Variants in NCKAP5 observed in about 807,000 individuals in gnomAD.
NCKAP5 encodes the protein nck-associated protein 5.
NCKAP5 carries 92 observed loss-of-function variants against 167.0 expected under a neutral mutation model. The ratio of observed to expected loss-of-function variants is 0.55; its 90% CI spans 0.47 to 0.66. The LOEUF (loss-of-function observed/expected upper bound fraction) is 0.66. Ranked by LOEUF, NCKAP5 falls within the 30% of genes least tolerant of loss-of-function variation. The pLI is 0.00. For synonymous variants in NCKAP5, 891 were observed against 877.4 expected (o/e 1.02, Z -0.27); for missense variants, 2,378 against 2,315.0 (o/e 1.03, Z -0.56).
intron 4 of NCKAP5, among the ~76,000 whole-genome samples, chr2:133,238,135 G>T (rs151073846): frequency 1.6e-3 from 237 of 152,204 alleles, no homozygotes; most frequent in African/African-American, 4.8e-3. Context: ...CCTCACTTTA[G>T]TTTTTCTCAA....
At chr2:133,229,335 ATC>A in intron 4 of NCKAP5, among the ~76,000 whole-genome samples, 1 of 152,200 alleles carries the variant, frequency 6.6e-6, no homozygotes, top group African/African-American at 2.4e-5. Context: ...CATTTCTTGT[ATC>A]TTAACACAAG....
the NCKAP5 span, among the ~76,000 whole-genome samples, chr2:133,619,183 A>T: frequency 7.2e-6 from 1 of 138,878 alleles, no homozygotes; most frequent in Non-Finnish European, 1.6e-5. Context: ...GAGGGATAGC[A>T]TTGGGAGATA....
chr2:133,080,185 G>A (rs1241153573), intron 6 of NCKAP5, among the ~76,000 whole-genome samples: 2 of 152,128 alleles, frequency 1.3e-5, no homozygotes, highest in Non-Finnish European at 2.9e-5. Flanking sequence ...AGCACTGTGT[G>A]TATGTGTCCA....
chr2:133,002,520 A>G (rs988550313), intron 6 of NCKAP5, among the ~76,000 whole-genome samples: 1 of 152,200 alleles, frequency 6.6e-6, no homozygotes, highest in Non-Finnish European at 1.5e-5. Context: ...GAAACCTCAG[A>G]AAAGGGGAAA....
intron 16 of NCKAP5, among the ~76,000 whole-genome samples, chr2:132,752,565 G>A (rs1337564630): frequency 4.6e-5 from 7 of 152,158 alleles, no homozygotes; most frequent in Non-Finnish European, 8.8e-5. Context: ...AAGTTTATTG[G>A]CTTAGTTTTC....
upstream of NCKAP5, chr2:133,568,491 A>G (rs564421536): frequency 1.3e-5 from 2 of 152,280 alleles, no homozygotes; most frequent in East Asian, 1.9e-4. Context: ...CTCCGTGGAC[A>G]AAGTCCCAAA....
At chr2:132,939,384 G>A (rs559730890) in intron 8 of NCKAP5, among the ~76,000 whole-genome samples, 7 of 152,136 alleles carry the variant, frequency 4.6e-5, no homozygotes, top group Non-Finnish European at 5.9e-5. Flanking sequence ...CACCACTCAT[G>A]GAGGGGCTGA....
intron 3 of NCKAP5, among the ~76,000 whole-genome samples, chr2:133,470,612 C>G (rs530764588): frequency 2.2e-4 from 34 of 152,344 alleles, no homozygotes; most frequent in African/African-American, 6.5e-4. Context: ...CCCCCAGCCT[C>G]GCTGCCGCCT....
intron 6 of NCKAP5, chr2:133,118,373 A>T (rs2149747567): frequency 6.6e-6 from 1 of 152,246 alleles, no homozygotes; most frequent in East Asian, 1.9e-4. Flanking sequence ...TTATTTTAAA[A>T]TTCAATAGAA....
intron 4 of NCKAP5, among the ~76,000 whole-genome samples, chr2:133,297,045 A>G (rs918191239): frequency 1.2e-4 from 18 of 152,202 alleles, no homozygotes; most frequent in African/African-American, 4.1e-4. Flanking sequence ...CAAATCAGAA[A>G]TAGCAACAAA....
intron 3 of NCKAP5, among the ~76,000 whole-genome samples, chr2:133,402,672 G>T (rs377511049): frequency 6.6e-6 from 1 of 151,968 alleles, no homozygotes. Context: ...AAAGAGCCTG[G>T]CACTTCCTCC....
At chr2:132,961,907 T>C (rs2076522725) in intron 8 of NCKAP5, among the ~76,000 whole-genome samples, 1 of 152,230 alleles carries the variant, frequency 6.6e-6, no homozygotes. Flanking sequence ...GATAAAGTTA[T>C]GAGTTTCTTA....
At chr2:133,199,686 C>T (rs141028188) in intron 5 of NCKAP5, among the ~76,000 whole-genome samples, 94 of 151,874 alleles carry the variant, frequency 6.2e-4, no homozygotes, top group Admixed American at 2.9e-3. Flanking sequence ...AAAACATATA[C>T]GATAATACCA....
intron 3 of NCKAP5, among the ~76,000 whole-genome samples, chr2:133,471,149 T>A (rs1679260365): frequency 6.6e-6 from 1 of 152,186 alleles, no homozygotes; most frequent in African/African-American, 2.4e-5. Context: ...AGCTCAATTG[T>A]CAGCTCTTTA....
At chr2:133,349,944 C>A (rs1347735609) in intron 3 of NCKAP5, among the ~76,000 whole-genome samples, 2 of 152,150 alleles carry the variant, frequency 1.3e-5, no homozygotes, top group Admixed American at 1.3e-4. Flanking sequence ...TTTAGGCTCA[C>A]AAGAAGTTGT....
intron 6 of NCKAP5, among the ~76,000 whole-genome samples, chr2:133,001,339 C>G (rs2077771601): frequency 1.3e-5 from 2 of 151,772 alleles, no homozygotes; most frequent in South Asian, 4.2e-4. Flanking sequence ...CCAGCCTCAG[C>G]CTCCAGATAG....
chr2:133,021,012 G>C (rs923365113), intron 6 of NCKAP5, among the ~76,000 whole-genome samples: 1 of 152,170 alleles, frequency 6.6e-6, no homozygotes, highest in Non-Finnish European at 1.5e-5. Context: ...CTCCCTCTCT[G>C]CCCGGGAACA....
chr2:132,852,584 C>T (rs1012699732), intron 11 of NCKAP5, among the ~76,000 whole-genome samples: 3 of 152,142 alleles, frequency 2.0e-5, no homozygotes, highest in African/African-American at 7.2e-5. Context: ...GGTATTGTTG[C>T]AAGAGGTTGG....
chr2:133,468,635 G>T (rs1692792888), intron 3 of NCKAP5, among the ~76,000 whole-genome samples: 1 of 152,178 alleles, frequency 6.6e-6, no homozygotes, highest in Admixed American at 6.5e-5. Context: ...TTATTAATGT[G>T]TGGGAATCTA....
Sources: allele counts gnomAD v4.1 joint callset (sites outside exome capture counted in the v4.1 genomes callset), GRCh38; gene constraint gnomAD v4.1.1; transcripts MANE v1.5; gene names NCBI Gene and HGNC (gene_info 2026-07-23, HGNC 2026-07-21).